The following CAMKMT variants were observed in gnomAD, a reference collection of about 807,000 sequenced individuals.
CAMKMT encodes the protein CaM KMT.
In CAMKMT, 53 loss-of-function variants were observed where a neutral mutation model predicts 48.0. The ratio of observed to expected loss-of-function variants is 1.10; its 90% CI spans 0.89 to 1.39. The LOEUF (loss-of-function observed/expected upper bound fraction) is 1.39. Among genes scored for constraint, CAMKMT ranks in the 40% most tolerant of loss-of-function variants. The pLI, the probability that CAMKMT is intolerant of heterozygous loss-of-function variation, is 0.00. For synonymous variants in CAMKMT, 165 were observed against 152.3 expected, an observed-to-expected ratio of 1.08 and a Z score of -0.61; for missense variants, 428 against 402.7, an observed-to-expected ratio of 1.06 and a Z score of -0.54.
intron 3 of CAMKMT, among the ~76,000 whole-genome samples, chr2:44,464,006 T>G (rs1305038168): frequency 6.6e-6 from 1 of 152,242 alleles, no homozygotes; most frequent in Non-Finnish European, 1.5e-5. Flanking sequence ...GAAACAGAGA[T>G]CTATTAGTTA....
rs901297842 is a variant in CAMKMT at position 44,578,402 on chromosome 2, G to A, written c.377-125881G>A. 1.8e-4 allele frequency among the ~76,000 whole-genome samples: 28 copies of A among 152,124 alleles called. 1 individual carries two copies. The highest frequency in any genetic ancestry group is 1.1e-3 in the Admixed American group (17 of 15,276). ...TTTGCTGTCACATAATTATGCTGCT[G>A]CTTTATGAAATGTTATACTGTCACC... On this transcript the variant is annotated intron_variant, in intron 3 of 10. Transcript: ENST00000378494.
intron 3 of CAMKMT, among the ~76,000 whole-genome samples, chr2:44,409,722 C>G (rs1032552801): frequency 6.6e-6 from 1 of 152,026 alleles, no homozygotes; most frequent in Admixed American, 6.6e-5. Flanking sequence ...TTGTGGAATA[C>G]TCTGTAATTT....
rs529311058 is a variant in CAMKMT at position 44,555,452 on chromosome 2, G to C, written c.377-148831G>C. Among the ~76,000 whole-genome samples the C allele has an allele frequency of 7.2e-5, 11 of 152,254 alleles. No individual in the cohort carries two copies. The South Asian group carries it at 2.3e-3, about 32-fold the overall frequency. On this transcript the variant is annotated intron_variant, in intron 3 of 10. Transcript: ENST00000378494. ...AAGAACAGATTAGGGTGAGGATGGGGAGGGAGGATGGGTTCCATTTTAGAT... is the reference window on the plus strand; with the variant it reads ...AAGAACAGATTAGGGTGAGGATGGGCAGGGAGGATGGGTTCCATTTTAGAT...
intron 7 of CAMKMT, among the ~76,000 whole-genome samples, chr2:44,716,193 A>G (rs1020169354): frequency 7.9e-5 from 12 of 152,154 alleles, no homozygotes; most frequent in African/African-American, 2.9e-4. Flanking sequence ...TGAAGCTGTC[A>G]TCATTTGGTA....
At position 44,641,977 on chromosome 2, in the gene CAMKMT, G is replaced by C. The variant is rs1309981900; in HGVS notation, c.377-62306G>C. On this transcript the variant is annotated intron_variant, in intron 3 of 10. Coordinates refer to ENST00000378494, the MANE Select transcript of CAMKMT (RefSeq NM_024766.5). ...CTACTGAGCTGTCTTCACCCATCTT[G>C]CCACCTGACATCCTGAAATTTGGGT... 3.3e-5 allele frequency among the ~76,000 whole-genome samples: 5 copies of C among 152,090 alleles called. No individual in the cohort carries two copies. In the South Asian group the frequency reaches 1.0e-3, roughly 32 times the overall value.
intron 3 of CAMKMT, among the ~76,000 whole-genome samples, chr2:44,524,987 C>T (rs888053558): frequency 1.8e-4 from 27 of 151,302 alleles, no homozygotes; most frequent in African/African-American, 6.5e-4. Context: ...AAAAACTTAG[C>T]TTGTTAATCA....
intron 3 of CAMKMT, among the ~76,000 whole-genome samples, chr2:44,485,965 TTTTTA>T (rs1267537696): frequency 2.0e-5 from 3 of 152,078 alleles, no homozygotes; most frequent in Non-Finnish European, 2.9e-5. Flanking sequence ...GTGTTCACTT[TTTTTA>T]TTTTTATTTT....
intron 8 of CAMKMT, among the ~76,000 whole-genome samples, chr2:44,753,184 A>G (rs2104387913): frequency 6.7e-6 from 1 of 149,960 alleles, no homozygotes; most frequent in South Asian, 2.1e-4. Flanking sequence ...AGGTTGAGGC[A>G]GGAAGACTGC....
At chr2:44,627,129 A>G (rs1672524784) in intron 3 of CAMKMT, among the ~76,000 whole-genome samples, 1 of 152,284 alleles carries the variant, frequency 6.6e-6, no homozygotes, top group East Asian at 1.9e-4. Context: ...AGATGATTGT[A>G]TAGCTTTTCT....
chr2:44,530,428 A>G (rs1015047763), intron 3 of CAMKMT, among the ~76,000 whole-genome samples: 2 of 152,216 alleles, frequency 1.3e-5, no homozygotes, highest in Admixed American at 1.3e-4. Context: ...AAGAATTTTT[A>G]GATATTCATT....
At chr2:44,746,902 AG>A (rs1679941064) in intron 8 of CAMKMT, among the ~76,000 whole-genome samples, 1 of 152,172 alleles carries the variant, frequency 6.6e-6, no homozygotes, top group Admixed American at 6.5e-5. Context: ...ATATAATCTA[AG>A]GGTCTGGAAG....
chr2:44,506,710 A>G (rs950819311), intron 3 of CAMKMT, among the ~76,000 whole-genome samples: 3 of 152,228 alleles, frequency 2.0e-5, no homozygotes, highest in African/African-American at 7.2e-5. Flanking sequence ...ATATAGTTCA[A>G]GAAATCCATC....
chr2:44,527,448 G>C (rs1666207493), intron 3 of CAMKMT, among the ~76,000 whole-genome samples: 2 of 135,466 alleles, frequency 1.5e-5, no homozygotes, highest in African/African-American at 5.6e-5. Flanking sequence ...TTTTGGTAGA[G>C]ATGAGGTCTC....
chr2:44,752,693 A>G (rs1680202508), intron 8 of CAMKMT, among the ~76,000 whole-genome samples: 1 of 152,212 alleles, frequency 6.6e-6, no homozygotes, highest in African/African-American at 2.4e-5. Flanking sequence ...AGGCACGGGC[A>G]GGTTGGTGTC....
chr2:44,382,037 G>T (rs1307735458), intron 2 of CAMKMT, among the ~76,000 whole-genome samples: 1 of 151,218 alleles, frequency 6.6e-6, no homozygotes, highest in Non-Finnish European at 1.5e-5. Context: ...TGTCTCCTGG[G>T]TTCAAGCGAT....
In CAMKMT at chr2:44,772,326, G is replaced by A. The variant is rs1333721824; in HGVS notation, c.*213G>A. On this transcript the variant is annotated 3_prime_UTR_variant, in exon 11 of 11. Transcript: ENST00000378494. ...TCTTTTTACACTCTGCTTGTTGCTC[G>A]TCCTGCCCTAAACCTTTGTTTGTCT... 8 of 488,440 alleles carry A rather than the reference G, an allele frequency of 1.6e-5. No individual in the cohort carries two copies. The highest frequency in any genetic ancestry group is 3.9e-5 in the African/African-American group (2 of 51,168). 30.3% of individuals were successfully genotyped at this position (488,440 alleles called of 1,614,324 possible). A position where few individuals can be genotyped will look rare whatever the true frequency, so the allele number is the denominator to read the frequency against.
chr2:44,748,643 C>A (rs532674774), intron 8 of CAMKMT, among the ~76,000 whole-genome samples: 1 of 151,954 alleles, frequency 6.6e-6, no homozygotes, highest in Non-Finnish European at 1.5e-5. Context: ...GAGGCCGAGG[C>A]GGGCAGATCA....
rs1368533180 is a variant in CAMKMT at position 44,587,862 on chromosome 2, C to A, written c.377-116421C>A. Among the ~76,000 whole-genome samples, 4 of 127,410 alleles carry A rather than the reference C, an allele frequency of 3.1e-5. No individual in the cohort carries two copies. In the South Asian group the frequency reaches 1.1e-3, roughly 34 times the overall value. The allele number at this position is 127,410 out of a possible 152,430, so 83.6% of individuals were successfully genotyped here. A position where few individuals can be genotyped will look rare whatever the true frequency, so the allele number is the denominator to read the frequency against. On this transcript the variant is annotated intron_variant, in intron 3 of 10. Coordinates refer to ENST00000378494, the MANE Select transcript of CAMKMT (RefSeq NM_024766.5). ...CCTCCCAGCCGCCTGCCTTGGCCCC[C>A]CAAAGTGCCGAGATTGCAGCCTCTG... is the stretch of plus-strand genomic sequence containing the variant.
At chr2:44,738,437 T>G (rs1470326197) in intron 7 of CAMKMT, among the ~76,000 whole-genome samples, 1 of 152,260 alleles carries the variant, frequency 6.6e-6, no homozygotes, top group African/African-American at 2.4e-5. Flanking sequence ...GAAAGCATTT[T>G]AAGTGGACTT....
Sources: gnomAD v4.1 joint callset for allele counts (sites outside exome capture counted in the v4.1 genomes callset) on GRCh38, gnomAD v4.1.1 for gene constraint, MANE v1.5 for transcripts, NCBI Gene and HGNC (gene_info 2026-07-23, HGNC 2026-07-21) for gene names.